Variants in FRMD4B observed in about 807,000 individuals in gnomAD.
FRMD4B encodes the protein FERM domain-containing protein 4B.
In FRMD4B, 74 loss-of-function variants were observed where a neutral mutation model predicts 141.5. The ratio of observed to expected loss-of-function variants is 0.52; its 90% CI spans 0.43 to 0.63. FRMD4B has a LOEUF of 0.63. Among genes scored for constraint, FRMD4B ranks in the 30% least tolerant of loss-of-function variants. FRMD4B has a pLI of 0.00. For synonymous variants in FRMD4B, 506 were observed against 467.9 expected, an observed-to-expected ratio of 1.08 and a Z score of -1.05; for missense variants, 1,366 against 1,253.4, an observed-to-expected ratio of 1.09 and a Z score of -1.36.
At chr3:69,291,910 C>CTTTTT (rs35703345) in intron 4 of FRMD4B, among the ~76,000 whole-genome samples, 3 of 105,530 alleles carry the variant, frequency 2.8e-5, no homozygotes, top group African/African-American at 1.1e-4. Context: ...ACAGGAATCT[C>CTTTTT]TTTTTTTTTT....
At chr3:69,263,630 T>G (rs567398060) in intron 5 of FRMD4B, among the ~76,000 whole-genome samples, 47 of 151,164 alleles carry the variant, frequency 3.1e-4, no homozygotes, top group Non-Finnish European at 6.6e-4. Flanking sequence ...CAGGCTGGTC[T>G]TGAACTCTTG....
intron 17 of FRMD4B, among the ~76,000 whole-genome samples, chr3:69,191,413 T>G (rs929477063): frequency 1.3e-5 from 2 of 151,772 alleles, no homozygotes; most frequent in East Asian, 3.8e-4. Flanking sequence ...GAGACAGCTC[T>G]GTCTCAAAAG....
At chr3:69,369,106 G>A (rs1703752757) in intron 1 of FRMD4B, among the ~76,000 whole-genome samples, 1 of 152,158 alleles carries the variant, frequency 6.6e-6, no homozygotes, top group Non-Finnish European at 1.5e-5. Context: ...TGATTTCAGA[G>A]TCATACTATA....
intron 1 of FRMD4B, among the ~76,000 whole-genome samples, chr3:69,339,871 T>A (rs1167636384): frequency 1.3e-5 from 2 of 152,106 alleles, no homozygotes; most frequent in Non-Finnish European, 2.9e-5. Context: ...AGGGGATTCT[T>A]GACAGGGCAG....
intron 7 of FRMD4B, among the ~76,000 whole-genome samples, chr3:69,241,835 C>G (rs951035899): frequency 6.6e-6 from 1 of 152,072 alleles, no homozygotes; most frequent in African/African-American, 2.4e-5. Flanking sequence ...CACCACTGCA[C>G]TCCAGCCTGG....
At chr3:69,356,792 T>G (rs984170539) in intron 1 of FRMD4B, among the ~76,000 whole-genome samples, 6 of 152,026 alleles carry the variant, frequency 3.9e-5, no homozygotes, top group Admixed American at 3.3e-4. Context: ...AATCTGGGGC[T>G]ACCAGGAAAC....
chr3:69,284,300 T>G (rs2093657605), intron 5 of FRMD4B, among the ~76,000 whole-genome samples: 1 of 152,196 alleles, frequency 6.6e-6, no homozygotes, highest in African/African-American at 2.4e-5. Context: ...AGAGCACTCA[T>G]CATTCCATGC....
intron 1 of FRMD4B, among the ~76,000 whole-genome samples, chr3:69,343,093 G>T (rs7617464): frequency 0.68 from 103,395 of 151,746 alleles, 35,518 homozygotes; most frequent in Admixed American, 0.73. Flanking sequence ...GGCTGGGACT[G>T]CAGAGGCACA....
At position 69,170,102 on chromosome 3, in the gene FRMD4B, T is replaced by C. The variant is rs1008497667; in HGVS notation, c.*1759A>G. ...ATGCCATCAATAAAAAGATGAACCA[T>C]GTTTTTAATGTAAATATTTAAAAAT... On this transcript the variant is annotated 3_prime_UTR_variant, in exon 23 of 23. Coordinates refer to ENST00000398540, the MANE Select transcript of FRMD4B (RefSeq NM_015123.3). 2.0e-5 allele frequency: 3 copies of C among 152,206 alleles called. No individual in the cohort carries two copies. Among genetic ancestry groups the C allele is most frequent in the African/African-American group, 7.2e-5 (3 of 41,444 alleles). The allele number at this position is 152,206 out of a possible 1,614,324, so 9.4% of individuals were successfully genotyped here.
chr3:69,215,254 G>A (rs2093128103), intron 11 of FRMD4B, among the ~76,000 whole-genome samples: 1 of 136,046 alleles, frequency 7.4e-6, no homozygotes, highest in Admixed American at 8.3e-5. Flanking sequence ...ATTTAACCCT[G>A]GAAATCCAAA....
intron 5 of FRMD4B, among the ~76,000 whole-genome samples, chr3:69,265,159 G>T (rs2093552555): frequency 6.8e-6 from 1 of 147,020 alleles, no homozygotes; most frequent in East Asian, 2.1e-4. Context: ...GGAGGCTGAG[G>T]CAGGAGAATT....
At chr3:69,505,811 G>A (rs1235568006) in intron 1 of FRMD4B, among the ~76,000 whole-genome samples, 1 of 152,144 alleles carries the variant, frequency 6.6e-6, no homozygotes, top group African/African-American at 2.4e-5. Flanking sequence ...GTGGCCTCCT[G>A]GGTGAAATCT....
chr3:69,456,516 C>T (rs1276784659), intron 1 of FRMD4B, among the ~76,000 whole-genome samples: 2 of 152,002 alleles, frequency 1.3e-5, no homozygotes, highest in African/African-American at 4.8e-5. Context: ...AGTTATGCTA[C>T]ACTAGAAAGC....
At chr3:69,308,582 T>G (rs1474185856) in intron 3 of FRMD4B, among the ~76,000 whole-genome samples, 5 of 151,818 alleles carry the variant, frequency 3.3e-5, no homozygotes, top group African/African-American at 1.2e-4. Flanking sequence ...GGACTACAGG[T>G]GTGCACCATC....
chr3:69,327,138 T>C (rs746637115), intron 1 of FRMD4B, among the ~76,000 whole-genome samples: 7 of 152,018 alleles, frequency 4.6e-5, no homozygotes, highest in Non-Finnish European at 8.8e-5. Flanking sequence ...TTGTAGAAAA[T>C]GGAAATTTTG....
At chr3:69,460,912 G>A (rs919493297) in intron 1 of FRMD4B, among the ~76,000 whole-genome samples, 1 of 152,200 alleles carries the variant, frequency 6.6e-6, no homozygotes, top group Admixed American at 6.5e-5. Flanking sequence ...AATTGGAGCT[G>A]AGATTCTACA....
chr3:69,235,540 T>C (rs2093340018), intron 7 of FRMD4B, among the ~76,000 whole-genome samples: 1 of 151,954 alleles, frequency 6.6e-6, no homozygotes, highest in South Asian at 2.1e-4. Flanking sequence ...GTGCCTGTAA[T>C]CCTAGCTACT....
chr3:69,357,587 T>A (rs1270817508), intron 1 of FRMD4B, among the ~76,000 whole-genome samples: 1 of 152,232 alleles, frequency 6.6e-6, no homozygotes, highest in Non-Finnish European at 1.5e-5. Flanking sequence ...TCCACCAATT[T>A]AAGGAAAAAT....
chr3:69,173,792 C>T (rs181354443), intron 22 of FRMD4B, among the ~76,000 whole-genome samples: 12 of 152,204 alleles, frequency 7.9e-5, no homozygotes, highest in Admixed American at 5.9e-4. Flanking sequence ...TGGAATATAT[C>T]CTAGGAAAAT....
Sources: allele counts gnomAD v4.1 joint callset (sites outside exome capture counted in the v4.1 genomes callset), GRCh38; gene constraint gnomAD v4.1.1; transcripts MANE v1.5; gene names NCBI Gene and HGNC (gene_info 2026-07-23, HGNC 2026-07-21).